The following IQCH variants were observed in gnomAD, a reference collection of about 807,000 sequenced individuals.
IQCH encodes IQ domain-containing protein H.
A neutral mutation model predicts 117.0 loss-of-function variants in IQCH; 98 were observed. That is an observed-to-expected ratio of 0.84 (90% CI 0.71 to 0.99). The LOEUF is 0.99. Among genes scored for constraint, IQCH ranks in the 50% least tolerant of loss-of-function variants. The pLI is 0.00. For synonymous variants in IQCH, 412 were observed against 448.2 expected (o/e 0.92, Z 1.02); for missense variants, 1,102 against 1,243.8 (o/e 0.89, Z 1.72).
At chr15:67,423,443 C>T (rs1284090558) in intron 16 of IQCH, among the ~76,000 whole-genome samples, 1 of 151,894 alleles carries the variant, frequency 6.6e-6, no homozygotes, top group Non-Finnish European at 1.5e-5. Context: ...GTGGCATGTA[C>T]CTGTAGTCCC....
chr15:67,312,516 C>T (rs1967648291), intron 4 of IQCH, among the ~76,000 whole-genome samples: 1 of 152,120 alleles, frequency 6.6e-6, no homozygotes, highest in Admixed American at 6.6e-5. Context: ...GAAATATCCA[C>T]TTCTCTTAGT....
intron 16 of IQCH, 50 bp downstream of exon 16, chr15:67,421,627 C>A: frequency 1.9e-6 from 3 of 1,550,466 alleles, no homozygotes; most frequent in Non-Finnish European, 8.9e-7. Context: ...AATGACTCCG[C>A]ACCCTACACA....
chr15:67,452,089 C>G (rs950635297), intron 16 of IQCH, among the ~76,000 whole-genome samples: 1 of 152,246 alleles, frequency 6.6e-6, no homozygotes, highest in South Asian at 2.1e-4. Context: ...AGATCTTCCT[C>G]CATCCTTTTA....
chr15:67,347,360 A>G (rs1015603162), intron 6 of IQCH, among the ~76,000 whole-genome samples: 35 of 152,260 alleles, frequency 2.3e-4, no homozygotes, highest in African/African-American at 7.9e-4. Context: ...TACAGATCCT[A>G]TAGACATTTA....
intron 4 of IQCH, among the ~76,000 whole-genome samples, chr15:67,289,958 C>A (rs980556864): frequency 6.6e-6 from 1 of 152,060 alleles, no homozygotes; most frequent in Non-Finnish European, 1.5e-5. Context: ...TCTTCCAAAT[C>A]ACTTTTGGCC....
At chr15:67,398,599 T>G (rs1481752514) in intron 13 of IQCH, among the ~76,000 whole-genome samples, 7 of 152,052 alleles carry the variant, frequency 4.6e-5, no homozygotes, top group Admixed American at 3.9e-4. Flanking sequence ...TAGTATAGTA[T>G]CCCCAGGAAG....
chr15:67,471,381 A>AAAAT (rs2141036125), intron 17 of IQCH, among the ~76,000 whole-genome samples: 2 of 152,340 alleles, frequency 1.3e-5, no homozygotes, highest in East Asian at 3.9e-4. Flanking sequence ...CTTTTAATAG[A>AAAAT]AAATAATGTT....
chr15:67,256,562 A>G (rs888805257), intron 1 of IQCH, among the ~76,000 whole-genome samples: 1 of 152,208 alleles, frequency 6.6e-6, no homozygotes, highest in Non-Finnish European at 1.5e-5. Context: ...CCAGGCGCCT[A>G]GAGATCACCT....
In IQCH at chr15:67,390,488, T is replaced by C. The variant is rs188555818; in HGVS notation, c.1632+1482T>C. Among the ~76,000 whole-genome samples, 1 of 152,096 alleles carries C rather than the reference T, an allele frequency of 6.6e-6. No individual in the cohort carries two copies. On this transcript the variant is annotated intron_variant, in intron 12 of 20. Transcript: ENST00000335894. This position sits in a 1 kb window ranked among gnomAD's most constrained non-coding sequence, Gnocchi z 5.0. ...TTTTTCAAATTCTTAGCATACAGTTTCTTTTTTTCTTTTTTTTTGAGACAG... is the reference window on the plus strand; with the variant it reads ...TTTTTCAAATTCTTAGCATACAGTTCCTTTTTTTCTTTTTTTTTGAGACAG...
chr15:67,499,191 C>T (rs1451563949), intron 20 of IQCH, among the ~76,000 whole-genome samples: 2 of 147,724 alleles, frequency 1.4e-5, no homozygotes, highest in Non-Finnish European at 3.0e-5. Context: ...TCTAGCTGCT[C>T]AGGAGGCTGA....
intron 10 of IQCH, among the ~76,000 whole-genome samples, chr15:67,383,270 A>ATT (rs1363426427): frequency 6.6e-6 from 1 of 152,228 alleles, no homozygotes; most frequent in Non-Finnish European, 1.5e-5. Flanking sequence ...CACTTCTTTA[A>ATT]AATGGGTGTA....
chr15:67,328,492 A>G (rs140466949), intron 4 of IQCH, among the ~76,000 whole-genome samples: 2 of 152,324 alleles, frequency 1.3e-5, no homozygotes, highest in African/African-American at 4.8e-5. Flanking sequence ...GTAAAAAGAA[A>G]AACTATAGAA....
In IQCH at chr15:67,287,138, A is replaced by G. The variant is rs985075860; in HGVS notation, c.387+7626A>G. Among the ~76,000 whole-genome samples the G allele has an allele frequency of 5.3e-5, 8 of 152,248 alleles. No homozygotes were observed. In the Middle Eastern group the frequency reaches 0.01, roughly 194 times the overall value. Reference sequence around the variant, plus strand: ...GGATAAATCCCACTGGTCATGATGAATTATCTTCTTAATGTGTTGTTGAAT... The same window carrying G: ...GGATAAATCCCACTGGTCATGATGAGTTATCTTCTTAATGTGTTGTTGAAT... On this transcript the variant is annotated intron_variant, in intron 4 of 20. Coordinates refer to ENST00000335894, the MANE Select transcript of IQCH (RefSeq NM_001031715.3).
At chr15:67,482,952 C>T (rs923911468) in intron 18 of IQCH, among the ~76,000 whole-genome samples, 6 of 152,146 alleles carry the variant, frequency 3.9e-5, no homozygotes, top group Admixed American at 3.3e-4. Flanking sequence ...ACATCTCTCA[C>T]ATATAAAATA....
chr15:67,421,215 T>C lies in IQCH; in HGVS notation c.2219-76T>C, dbSNP rs1208823307. On this transcript the variant is annotated intron_variant, in intron 15 of 20. Transcript: ENST00000335894. ...TACTTGCCCAAAGTCTTTCAAGACATGGCAGATGCAGAATCTGAGCCCAAG... is the reference window on the plus strand; with the variant it reads ...TACTTGCCCAAAGTCTTTCAAGACACGGCAGATGCAGAATCTGAGCCCAAG... The C allele has an allele frequency of 5.6e-6, 7 of 1,251,238 alleles. No individual in the cohort carries two copies. In the East Asian group the frequency reaches 7.3e-5, roughly 13 times the overall value. The allele number at this position is 1,251,238 out of a possible 1,614,324, so 77.5% of individuals were successfully genotyped here.
Position 67,311,872 on chromosome 15 carries a change from G to A in IQCH, c.388-25103G>A, listed in dbSNP as rs755656823. ...AAATCCGCTACTTAATTAAAACAAA[G>A]GAGTTAGGCTCTATTAAGGGATTTC... On this transcript the variant is annotated intron_variant, in intron 4 of 20. Transcript: ENST00000335894. Among the ~76,000 whole-genome samples the A allele has an allele frequency of 8.7e-4, 132 of 152,026 alleles. 2 individuals carry two copies. The highest frequency in any genetic ancestry group is 8.5e-3 in the Admixed American group (129 of 15,228).
chr15:67,421,604 T>C (rs966598360), intron 16 of IQCH, 27 bp downstream of exon 16: 1 of 1,611,584 alleles, frequency 6.2e-7, no homozygotes. Flanking sequence ...CCATACGAAA[T>C]GCTAAAATAT....
In IQCH at chr15:67,381,985, A is replaced by G. The variant is rs1477326665; in HGVS notation, c.1373-2951A>G. 1.3e-5 allele frequency among the ~76,000 whole-genome samples: 2 copies of G among 152,058 alleles called. No homozygotes were observed. The highest frequency in any genetic ancestry group is 4.8e-5 in the African/African-American group (2 of 41,420). ...CAACAGAGTGATACCCTGTCAAAAA[A>G]AAAAAAAGAATTAAAAGATTTTTTG... On this transcript the variant is annotated intron_variant, in intron 10 of 20. Coordinates refer to ENST00000335894, the MANE Select transcript of IQCH (RefSeq NM_001031715.3). The surrounding 1 kb of genome is among the most constrained non-coding windows in gnomAD (Gnocchi z 5.1).
At chr15:67,325,298 A>G (rs999726781) in intron 4 of IQCH, among the ~76,000 whole-genome samples, 7 of 151,550 alleles carry the variant, frequency 4.6e-5, no homozygotes, top group Admixed American at 4.0e-4. Context: ...AAGATTTTCC[A>G]CGTGTTCATT....
Sources: gnomAD v4.1 joint callset for allele counts (sites outside exome capture counted in the v4.1 genomes callset) on GRCh38, gnomAD v4.1.1 for gene constraint, Gnocchi (gnomAD v3.1) non-coding constraint, MANE v1.5 for transcripts, NCBI Gene and HGNC (gene_info 2026-07-23, HGNC 2026-07-21) for gene names.